The following AGBL4 variants were observed in gnomAD, a reference collection of about 807,000 sequenced individuals.
AGBL4 encodes cytosolic carboxypeptidase 6.
A neutral mutation model predicts 66.4 loss-of-function variants in AGBL4; 58 were observed. That is an observed-to-expected ratio of 0.87 (90% confidence interval 0.71 to 1.09). The LOEUF is 1.09. Among genes scored for constraint, AGBL4 ranks in the 50% least tolerant of loss-of-function variants. AGBL4 has a pLI of 0.00. For missense variants in AGBL4, 579 were observed against 631.0 expected, an observed-to-expected ratio of 0.92 and a Z score of 0.88; for synonymous variants, 234 against 222.9, an observed-to-expected ratio of 1.05 and a Z score of -0.44.
intron 3 of AGBL4, among the ~76,000 whole-genome samples, chr1:49,515,806 C>T (rs1487566130): frequency 6.8e-6 from 1 of 147,868 alleles, no homozygotes; most frequent in Non-Finnish European, 1.5e-5. Flanking sequence ...CCAAACACCA[C>T]ATATTCTCAC....
intron 4 of AGBL4, among the ~76,000 whole-genome samples, chr1:49,149,919 C>T (rs116235132): frequency 5.6e-4 from 86 of 152,222 alleles, no homozygotes; most frequent in Non-Finnish European, 7.9e-4. Flanking sequence ...AAGATGGCTC[C>T]GGATACTTCA....
At chr1:49,199,392 A>G (rs1647503864) in intron 4 of AGBL4, among the ~76,000 whole-genome samples, 1 of 152,204 alleles carries the variant, frequency 6.6e-6, no homozygotes, top group Admixed American at 6.5e-5. Context: ...GAGAGCAGGA[A>G]GTATCCCTCC....
At chr1:49,687,366 T>G (rs1257509997) in intron 3 of AGBL4, among the ~76,000 whole-genome samples, 1 of 152,214 alleles carries the variant, frequency 6.6e-6, no homozygotes, top group Non-Finnish European at 1.5e-5. Context: ...GAAACAAATT[T>G]GATTTTGTCA....
chr1:48,709,733 C>T (rs1430858839), intron 6 of AGBL4, among the ~76,000 whole-genome samples: 1 of 151,998 alleles, frequency 6.6e-6, no homozygotes, highest in Non-Finnish European at 1.5e-5. Context: ...TCCTGAGTAT[C>T]TGGGACTACA....
Position 49,245,803 on chromosome 1 carries a change from G to C in AGBL4, c.344C>G (p.Ala115Gly), listed in dbSNP as rs1570197455. 1 of 1,549,704 alleles carries C rather than the reference G, an allele frequency of 6.5e-7. No homozygotes were observed. Among genetic ancestry groups the C allele is most frequent in the African/African-American group, 1.4e-5 (1 of 73,034 alleles). ...KTKSLYRDGM[A>G]PMVKSTSRPK... ...TCTGCTGGTAGATTTCACCATAGGG[G>C]CCATCCCATCTCTATAGAGACTCTT... Residue 115 changes from alanine to glycine, a missense_variant, in exon 4 of 14, where the codon GCC becomes GGC. By Grantham distance (60) the Ala-to-Gly change is moderately conservative. Coordinates refer to ENST00000371839, the MANE Select transcript of AGBL4 (RefSeq NM_032785.4).
At chr1:49,409,735 A>T (rs1427489937) in intron 3 of AGBL4, among the ~76,000 whole-genome samples, 1 of 152,226 alleles carries the variant, frequency 6.6e-6, no homozygotes, top group Non-Finnish European at 1.5e-5. Flanking sequence ...TATTTTTAAA[A>T]AAACAAGAAA....
chr1:49,864,945 C>A (rs1388240335), intron 1 of AGBL4, among the ~76,000 whole-genome samples: 1 of 152,100 alleles, frequency 6.6e-6, no homozygotes, highest in African/African-American at 2.4e-5. Context: ...CAAATTGGAC[C>A]CAGGAGGAAT....
intron 4 of AGBL4, among the ~76,000 whole-genome samples, chr1:49,227,679 G>A (rs998863070): frequency 1.3e-5 from 2 of 152,046 alleles, no homozygotes; most frequent in African/African-American, 4.8e-5. Context: ...ACCCTCTTAG[G>A]AATCAGTTGT....
chr1:49,369,244 C>A (rs898876330), intron 3 of AGBL4, among the ~76,000 whole-genome samples: 4 of 152,182 alleles, frequency 2.6e-5, no homozygotes, highest in African/African-American at 7.2e-5. Flanking sequence ...AATATCCCAG[C>A]ATAACCTTTA....
intron 1 of AGBL4, among the ~76,000 whole-genome samples, chr1:49,944,659 C>A: frequency 6.6e-6 from 1 of 151,330 alleles, no homozygotes; most frequent in African/African-American, 2.4e-5. Flanking sequence ...TCTTTAACAC[C>A]CAAAAAAAAA....
intron 3 of AGBL4, among the ~76,000 whole-genome samples, chr1:49,595,015 C>T (rs566475023): frequency 2.0e-5 from 3 of 152,332 alleles, no homozygotes; most frequent in African/African-American, 7.2e-5. Flanking sequence ...TATTTCTCCA[C>T]ATCCTCACCA....
chr1:49,099,518 T>C (rs1645163748), intron 4 of AGBL4, among the ~76,000 whole-genome samples: 1 of 152,222 alleles, frequency 6.6e-6, no homozygotes, highest in South Asian at 2.1e-4. Flanking sequence ...CAACAATTGC[T>C]TCCTCTGTGC....
intron 6 of AGBL4, among the ~76,000 whole-genome samples, chr1:48,696,053 G>A (rs1050607702): frequency 6.6e-6 from 1 of 152,170 alleles, no homozygotes; most frequent in East Asian, 1.9e-4. Context: ...GTCTGCGCTG[G>A]CCCTGACCCT....
chr1:48,550,402 T>C lies in AGBL4; in HGVS notation c.1268-10664A>G, dbSNP rs183080125. Among the ~76,000 whole-genome samples the C allele has an allele frequency of 1.6e-4, 24 of 152,264 alleles. No individual in the cohort carries two copies. The East Asian group carries it at 4.5e-3, about 28-fold the overall frequency. On this transcript the variant is annotated intron_variant, in intron 11 of 13. Transcript: ENST00000371839. ...TTTGTGATCATATCATTCCCATCTCTGCCCCCATGGTCACATTGCCTCCTC... is the reference window on the plus strand; with the variant it reads ...TTTGTGATCATATCATTCCCATCTCCGCCCCCATGGTCACATTGCCTCCTC...
rs561186080 is a variant in AGBL4 at position 49,558,931 on chromosome 1, C to T, written c.282+138382G>A. ...AGTTCAGCTACAGTATAATAGAAAA[C>T]CAGGTAGACTTTTAAGGTATTTGAC... On this transcript the variant is annotated intron_variant, in intron 3 of 13. Transcript: ENST00000371839. Among the ~76,000 whole-genome samples the T allele has an allele frequency of 3.3e-5, 5 of 152,216 alleles. No individual in the cohort carries two copies. The South Asian group carries it at 1.0e-3, about 32-fold the overall frequency.
intron 6 of AGBL4, among the ~76,000 whole-genome samples, chr1:48,664,219 T>G (rs1646151738): frequency 6.6e-6 from 1 of 152,160 alleles, no homozygotes. Flanking sequence ...GGGGAAGCAC[T>G]GTAGAAAAAG....
At chr1:49,474,482 C>G (rs1646809227) in intron 3 of AGBL4, among the ~76,000 whole-genome samples, 1 of 151,952 alleles carries the variant, frequency 6.6e-6, no homozygotes, top group Admixed American at 6.6e-5. Context: ...ACATGGCTAA[C>G]AGGACCCCGA....
At chr1:49,067,816 T>G (rs1199727037) in intron 4 of AGBL4, among the ~76,000 whole-genome samples, 1 of 152,226 alleles carries the variant, frequency 6.6e-6, no homozygotes, top group African/African-American at 2.4e-5. Context: ...TGCAGTTTTG[T>G]TACATAGGTA....
At chr1:49,747,341 T>A (rs1193182325) in intron 2 of AGBL4, among the ~76,000 whole-genome samples, 1 of 152,094 alleles carries the variant, frequency 6.6e-6, no homozygotes, top group Non-Finnish European at 1.5e-5. Flanking sequence ...TCCACGAAAT[T>A]TTCTCAGCAA....
Sources: allele counts gnomAD v4.1 joint callset (sites outside exome capture counted in the v4.1 genomes callset), GRCh38; gene constraint gnomAD v4.1.1; transcripts MANE v1.5; gene names NCBI Gene and HGNC (gene_info 2026-07-23, HGNC 2026-07-21).